The following UTRN variants were observed in gnomAD, a reference collection of about 807,000 sequenced individuals.
The protein encoded by UTRN is utrophin.
UTRN carries 283 observed loss-of-function variants against 463.9 expected under a neutral mutation model. The ratio of observed to expected loss-of-function variants is 0.61; its 90% confidence interval spans 0.55 to 0.67. UTRN has a LOEUF of 0.67. UTRN is among the 30% of genes least tolerant of loss of function. The probability of loss-of-function intolerance (pLI) is 0.00; values close to 1 mark genes in which losing one functional copy is unlikely to be tolerated. For synonymous variants in UTRN, 1,442 were observed against 1,431.5 expected (o/e 1.01, Z -0.17); for missense variants, 3,922 against 4,084.3 (o/e 0.96, Z 1.08).
intron 12 of UTRN, 77 bp from the exon 13 acceptor site, chr6:144,440,275 C>G (rs1787018203): frequency 6.7e-7 from 1 of 1,482,230 alleles, no homozygotes; most frequent in Non-Finnish European, 9.4e-7. Context: ...TCCTTAATTA[C>G]TATTGACAAC....
At chr6:144,758,973 A>G (rs944708320) in intron 58 of UTRN, among the ~76,000 whole-genome samples, 5 of 152,100 alleles carry the variant, frequency 3.3e-5, no homozygotes, top group Non-Finnish European at 7.4e-5. Flanking sequence ...TACAAATGCT[A>G]ATAATCTGCT....
chr6:144,728,669 A>G (rs1447319687), intron 53 of UTRN, among the ~76,000 whole-genome samples: 1 of 142,632 alleles, frequency 7.0e-6, no homozygotes, highest in Admixed American at 7.9e-5. Context: ...CTTTGGTTTT[A>G]TGGATCTAGG....
chr6:144,817,222 A>G (rs1779165443), intron 65 of UTRN, among the ~76,000 whole-genome samples: 1 of 152,230 alleles, frequency 6.6e-6, no homozygotes. Flanking sequence ...AAAACAATTT[A>G]TAAGGTACAA....
intron 51 of UTRN, among the ~76,000 whole-genome samples, chr6:144,590,354 A>C (rs1046071196): frequency 2.0e-5 from 3 of 152,162 alleles, no homozygotes; most frequent in Admixed American, 1.3e-4. Context: ...TTTGATTTAT[A>C]ACTTAATTTG....
chr6:144,709,900 A>T (rs1169386624), intron 53 of UTRN, among the ~76,000 whole-genome samples: 4 of 152,054 alleles, frequency 2.6e-5, no homozygotes, highest in Admixed American at 2.0e-4. Context: ...TGATTTAATG[A>T]CTCCTTTTCA....
chr6:144,350,250 G>A (rs1391476893), intron 2 of UTRN, among the ~76,000 whole-genome samples: 1 of 145,266 alleles, frequency 6.9e-6, no homozygotes, highest in African/African-American at 2.7e-5. Flanking sequence ...TAATCAGACT[G>A]TTTTCTAAAA....
chr6:144,522,277 G>A lies in UTRN; in HGVS notation c.5733+106G>A. On this transcript the variant is annotated intron_variant, in intron 40 of 74. Coordinates refer to ENST00000367545, the MANE Select transcript of UTRN (RefSeq NM_007124.3). ...ATGGTCTATATCTTTTACAATTTGT[G>A]CCAGGGGATTAATAATATGTATGAC... 3.4e-6 allele frequency: 3 copies of A among 884,700 alleles called. No homozygotes were observed. In the Admixed American group the frequency reaches 9.7e-5, roughly 29 times the overall value. 54.8% of individuals were successfully genotyped at this position (884,700 alleles called of 1,614,324 possible). A position where few individuals can be genotyped will look rare whatever the true frequency, so the allele number is the denominator to read the frequency against.
chr6:144,361,999 CA>C (rs1184004971), intron 2 of UTRN, among the ~76,000 whole-genome samples: 1 of 151,886 alleles, frequency 6.6e-6, no homozygotes, highest in Non-Finnish European at 1.5e-5. Flanking sequence ...GAATAAAAAT[CA>C]AAGCCAAATT....
rs759902870 is a variant in UTRN at position 144,678,573 on chromosome 6, C to T, written c.7647C>T (p.Ser2549=). 1 of 1,609,252 alleles carries T rather than the reference C, an allele frequency of 6.2e-7. No homozygotes were observed. The highest frequency in any genetic ancestry group is 1.1e-5 in the South Asian group (1 of 90,520). Residue 2549 remains serine, a synonymous_variant, in exon 52 of 75, where the codon AGC becomes AGT. Coordinates refer to ENST00000367545, the MANE Select transcript of UTRN (RefSeq NM_007124.3). The part of the protein sequence containing the change: ...RWNDLKAKSA[S]IRAHLEASAE... ...ATGACTTAAAAGCAAAATCTGCTAG[C>T]ATCAGGTCAGAATAGTCAATATCAA...
intron 2 of UTRN, among the ~76,000 whole-genome samples, chr6:144,382,341 A>G (rs2114740394): frequency 6.6e-6 from 1 of 152,360 alleles, no homozygotes; most frequent in South Asian, 2.1e-4. Flanking sequence ...TCTTGAGAAT[A>G]CAGCAGTTGG....
intron 2 of UTRN, among the ~76,000 whole-genome samples, chr6:144,374,729 G>A (rs1375910859): frequency 1.3e-5 from 2 of 151,034 alleles, no homozygotes; most frequent in African/African-American, 2.4e-5. Context: ...GGATCCGCCC[G>A]CCCCTGCCTC....
intron 52 of UTRN, among the ~76,000 whole-genome samples, chr6:144,693,273 C>T (rs893446121): frequency 6.6e-6 from 1 of 152,052 alleles, no homozygotes; most frequent in East Asian, 1.9e-4. Flanking sequence ...ATACCAGTAC[C>T]GTGCTGTTTT....
At chr6:144,533,502 C>T (rs905619873) in intron 43 of UTRN, among the ~76,000 whole-genome samples, 8 of 152,046 alleles carry the variant, frequency 5.3e-5, no homozygotes, top group African/African-American at 1.9e-4. Flanking sequence ...TTATTTACAA[C>T]TGCTTATTAT....
intron 25 of UTRN, among the ~76,000 whole-genome samples, chr6:144,478,806 C>T (rs754873586): frequency 6.6e-5 from 10 of 152,140 alleles, no homozygotes; most frequent in South Asian, 2.1e-4. Flanking sequence ...TGCAGAACGG[C>T]GCCTTCTCTC....
Position 144,691,792 on chromosome 6 carries a change from A to AT in UTRN, c.7653-8293dup, listed in dbSNP as rs1275174065. ...TATAATTTGATACTTTCTACTTAAAATTGGCATTGTGATTTGCAATGATTT... is the reference window on the plus strand; with the variant it reads ...TATAATTTGATACTTTCTACTTAAAATTTGGCATTGTGATTTGCAATGATTT... On this transcript the variant is annotated intron_variant, in intron 52 of 74. Coordinates refer to ENST00000367545, the MANE Select transcript of UTRN (RefSeq NM_007124.3). Among the ~76,000 whole-genome samples, 3 of 152,282 alleles carry AT rather than the reference A, an allele frequency of 2.0e-5. No individual in the cohort carries two copies. The South Asian group carries it at 6.2e-4, about 32-fold the overall frequency.
At chr6:144,445,770 C>A (rs541623834) in intron 14 of UTRN, among the ~76,000 whole-genome samples, 2 of 152,070 alleles carry the variant, frequency 1.3e-5, no homozygotes, top group Non-Finnish European at 2.9e-5. Flanking sequence ...AAAGGCTGGG[C>A]GCGGTGGATC....
chr6:144,516,139 T>G, intron 37 of UTRN, 90 bp from the exon 38 acceptor site: 1 of 1,313,146 alleles, frequency 7.6e-7, no homozygotes, highest in Non-Finnish European at 1.1e-6. Flanking sequence ...TAAAAAAGTG[T>G]TAGTTTCTCT....
At chr6:144,344,650 C>A (rs1458104201) in intron 2 of UTRN, among the ~76,000 whole-genome samples, 1 of 152,248 alleles carries the variant, frequency 6.6e-6, no homozygotes, top group Non-Finnish European at 1.5e-5. Flanking sequence ...TTACTGCCAT[C>A]TAGAGAAGAA....
intron 54 of UTRN, among the ~76,000 whole-genome samples, chr6:144,744,630 TACACAC>T (rs199802269): frequency 7.2e-5 from 4 of 55,198 alleles, no homozygotes; most frequent in African/African-American, 3.1e-4. Context: ...CACACACACA[TACACAC>T]ACACACACAC....
Sources: gnomAD v4.1 joint callset for allele counts (sites outside exome capture counted in the v4.1 genomes callset) on GRCh38, gnomAD v4.1.1 for gene constraint, MANE v1.5 for transcripts, NCBI Gene and HGNC (gene_info 2026-07-23, HGNC 2026-07-21) for gene names.